Variants in ANKRD17 observed in about 807,000 individuals in gnomAD.
ANKRD17 encodes the protein ankyrin repeat domain 17, also known as ankyrin repeat domain-containing protein 17.
In ANKRD17, 19 loss-of-function variants were observed where a neutral mutation model predicts 229.7. That is an observed-to-expected ratio of 0.08 (90% CI 0.06 to 0.12). The LOEUF is 0.12. Ranked by LOEUF, ANKRD17 falls within the 10% of genes least tolerant of loss-of-function variation. The probability of loss-of-function intolerance (pLI) is 1.00; values close to 1 mark genes in which losing one functional copy is unlikely to be tolerated. For synonymous variants in ANKRD17, 1,112 were observed against 1,146.1 expected (o/e 0.97, Z 0.60); for missense variants, 2,176 against 3,176.8 (o/e 0.68, Z 7.57).
chr4:73,151,358 CA>C (rs1560602786), intron 7 of ANKRD17, 71 bp downstream of exon 7: 1 of 1,330,044 alleles, frequency 7.5e-7, no homozygotes, highest in Non-Finnish European at 1.1e-6. Context: ...ATTGGAAAGG[CA>C]TTCATTGTAT....
chr4:73,131,879 T>C (rs1157454977), intron 16 of ANKRD17, among the ~76,000 whole-genome samples: 4 of 152,220 alleles, frequency 2.6e-5, no homozygotes, highest in Non-Finnish European at 4.4e-5. Flanking sequence ...AAGATCTAAG[T>C]ATTAAAGAAT....
intron 1 of ANKRD17, among the ~76,000 whole-genome samples, chr4:73,184,226 G>A (rs1735964733): frequency 6.6e-6 from 1 of 152,122 alleles, no homozygotes; most frequent in African/African-American, 2.4e-5. Flanking sequence ...TTATTCCAAA[G>A]GATAAGAAAA....
At chr4:73,237,431 A>G (rs935389889) in intron 1 of ANKRD17, among the ~76,000 whole-genome samples, 4 of 152,238 alleles carry the variant, frequency 2.6e-5, no homozygotes, top group Non-Finnish European at 4.4e-5. Context: ...AAATCATATT[A>G]CAGTCCTTCG....
At chr4:73,249,132 A>C (rs577463341) in intron 1 of ANKRD17, among the ~76,000 whole-genome samples, 34 of 152,328 alleles carry the variant, frequency 2.2e-4, no homozygotes, top group African/African-American at 7.9e-4. Context: ...AATGGAACCA[A>C]CCTTTCCATA....
rs1578189334 is a variant in ANKRD17 at position 73,147,250 on chromosome 4, A to G, written c.1750T>C (p.Leu584=). ...ATGCAAAAATGCCTACCTGCAGCTA[A>G]TAAGTATTTAACTAACTCCAAATGA... The part of the protein sequence containing the change: ...EGHLELVKYL[L]AAGANVHATT... Residue 584 remains leucine (L), a synonymous_variant, in exon 9 of 34, where the codon TTA becomes CTA. Transcript: ENST00000358602. 3.2e-6 allele frequency: 5 copies of G among 1,541,308 alleles called. No homozygotes were observed. Among genetic ancestry groups the G allele is most frequent in the South Asian group, 1.3e-5 (1 of 79,556 alleles).
At chr4:73,136,982 T>G (rs1380734781) in intron 15 of ANKRD17, among the ~76,000 whole-genome samples, 6 of 50,326 alleles carry the variant, frequency 1.2e-4, no homozygotes, top group African/African-American at 4.8e-4. Context: ...ATTACAGAGT[T>G]TTTTTTTTTT....
chr4:73,161,492 T>G, intron 2 of ANKRD17, 144 bp from the exon 3 acceptor site: 1 of 782,836 alleles, frequency 1.3e-6, no homozygotes, highest in Non-Finnish European at 2.0e-6. Flanking sequence ...CCCAGCATCT[T>G]TTGAGAAATC....
intron 1 of ANKRD17, among the ~76,000 whole-genome samples, chr4:73,191,341 A>G (rs4311282): frequency 0.067 from 8,381 of 125,190 alleles, 499 homozygotes; most frequent in African/African-American, 0.16. Context: ...AAAAATATAT[A>G]TGTGTGTGTG....
intron 1 of ANKRD17, among the ~76,000 whole-genome samples, chr4:73,193,933 A>G (rs1737487105): frequency 6.6e-6 from 1 of 152,178 alleles, no homozygotes. Context: ...CCTTGTCTCA[A>G]AAACAACAAC....
chr4:73,164,324 G>A (rs937391768), intron 2 of ANKRD17, among the ~76,000 whole-genome samples: 1 of 152,160 alleles, frequency 6.6e-6, no homozygotes, highest in African/African-American at 2.4e-5. Flanking sequence ...TGAACTTCTT[G>A]TATCTTCATA....
chr4:73,080,995 T>C (rs537371888), intron 30 of ANKRD17, among the ~76,000 whole-genome samples: 1 of 152,206 alleles, frequency 6.6e-6, no homozygotes, highest in Non-Finnish European at 1.5e-5. Flanking sequence ...AGCTGCGCCA[T>C]TTAAGAAGTT....
chr4:73,204,995 C>T (rs1018272351), intron 1 of ANKRD17, among the ~76,000 whole-genome samples: 17 of 152,018 alleles, frequency 1.1e-4, no homozygotes, highest in Middle Eastern at 3.2e-3. Context: ...AAGCTGAATG[C>T]ATCACACTAC....
At chr4:73,196,090 TGCCTCCCAGAGTGATTCTTCTGCCTCA>T (rs1477611637) in intron 1 of ANKRD17, among the ~76,000 whole-genome samples, 1 of 149,714 alleles carries the variant, frequency 6.7e-6, no homozygotes, top group Non-Finnish European at 1.5e-5. Flanking sequence ...CTACAGCCTC[TGCCTCCCAGAGTGATTCTTCTGCCTCA>T]GTCTCCCGAG....
At chr4:73,148,664 C>T (rs1730609421) in intron 8 of ANKRD17, 149 bp downstream of exon 8, 2 of 710,978 alleles carry the variant, frequency 2.8e-6, no homozygotes, top group East Asian at 2.7e-5. Context: ...AGTATGGGAG[C>T]CATTTTCACA....
At chr4:73,171,988 G>C (rs894266923) in intron 2 of ANKRD17, among the ~76,000 whole-genome samples, 1 of 152,068 alleles carries the variant, frequency 6.6e-6, no homozygotes, top group Non-Finnish European at 1.5e-5. Context: ...GAAAGTGATA[G>C]GGGTAGAAAG....
intron 1 of ANKRD17, among the ~76,000 whole-genome samples, chr4:73,249,728 C>T (rs1255923158): frequency 6.6e-6 from 1 of 152,186 alleles, no homozygotes; most frequent in Admixed American, 6.5e-5. Context: ...GTGGCGCCGG[C>T]GCCTGTAGCC....
intron 25 of ANKRD17, chr4:73,100,823 A>G: frequency 1.0e-6 from 1 of 983,006 alleles, no homozygotes; most frequent in Non-Finnish European, 1.2e-6. Flanking sequence ...GGGAAATTAA[A>G]AACAAAACAA....
At chr4:73,210,994 T>G (rs559198360) in intron 1 of ANKRD17, among the ~76,000 whole-genome samples, 1 of 152,278 alleles carries the variant, frequency 6.6e-6, no homozygotes, top group East Asian at 1.9e-4. Context: ...ATTTTTATTT[T>G]TTTAGAGTAT....
Position 73,258,573 on chromosome 4 carries a change from C to G in ANKRD17, c.96G>C (p.Ala32=). 2 of 1,461,762 alleles carry G rather than the reference C, an allele frequency of 1.4e-6. No homozygotes were observed. The highest frequency in any genetic ancestry group is 2.8e-5 in the South Asian group (2 of 72,448). 90.5% of individuals were successfully genotyped at this position (1,461,762 alleles called of 1,614,324 possible). A position where few individuals can be genotyped will look rare whatever the true frequency, so the allele number is the denominator to read the frequency against. Reference sequence around the variant, plus strand: ...CGCCAACGCCGCCGCCGACCTCCGCCGCCGCGGGGGGGCCCGCCACAGCCG... The same window carrying G: ...CGCCAACGCCGCCGCCGACCTCCGCGGCCGCGGGGGGGCCCGCCACAGCCG... The part of the protein sequence containing the change: ...AVAAVAGPPA[A]AEVGGGVGGS... The change falls in exon 1 of 34, where the codon GCG becomes GCC. Residue 32 remains alanine (A), a synonymous_variant. Transcript: ENST00000358602.
Sources: gnomAD v4.1 joint callset for allele counts (sites outside exome capture counted in the v4.1 genomes callset) on GRCh38, gnomAD v4.1.1 for gene constraint, MANE v1.5 for transcripts, NCBI Gene and HGNC (gene_info 2026-07-23, HGNC 2026-07-21) for gene names.